Variants in CACNA1C observed in about 807,000 individuals in gnomAD.
CACNA1C encodes voltage-dependent L-type calcium channel subunit alpha-1C.
CACNA1C carries 30 observed loss-of-function variants against 229.0 expected under a neutral mutation model. That is an observed-to-expected ratio of 0.13 (90% confidence interval 0.10 to 0.18). The LOEUF (loss-of-function observed/expected upper bound fraction) is 0.18, where lower values mean the gene tolerates loss of function less well. CACNA1C is among the 10% of genes least tolerant of loss of function. The pLI is 1.00. For missense variants in CACNA1C, 1,658 were observed against 2,845.0 expected, an observed-to-expected ratio of 0.58 and a Z score of 9.49; for synonymous variants, 1,114 against 1,132.5, an observed-to-expected ratio of 0.98 and a Z score of 0.33.
chr12:2,684,940 T>C (rs2370605), intron 43 of CACNA1C, among the ~76,000 whole-genome samples: 235 of 152,030 alleles, frequency 1.5e-3, no homozygotes, highest in African/African-American at 4.6e-3. Context: ...CAGGGACCAG[T>C]GAGTCAGTGG....
rs112986121 is a variant in CACNA1C, at chr12:2,403,869, C to T, written c.478-45107C>T. On this transcript the variant is annotated intron_variant, in intron 3 of 46. Transcript: ENST00000399655. This position sits in a 1 kb window ranked among gnomAD's most constrained non-coding sequence, Gnocchi z 4.1. ...CGTGGACCACAGCTCTGCTCTGGGG[C>T]CCCAGGGACTTTCTCAGAGATGCCT... is the stretch of plus-strand genomic sequence containing the variant. 6.6e-6 allele frequency among the ~76,000 whole-genome samples: 1 copy of T among 152,096 alleles called. No homozygotes were observed. Among genetic ancestry groups the T allele is most frequent in the African/African-American group, 2.4e-5 (1 of 41,430 alleles).
At chr12:2,148,079 G>GATTAGC (rs1436821574) in intron 3 of CACNA1C, among the ~76,000 whole-genome samples, 3 of 151,230 alleles carry the variant, frequency 2.0e-5, no homozygotes, top group Non-Finnish European at 3.0e-5. Context: ...TTTTTGAAAG[G>GATTAGC]ATTAGCATTA....
intron 29 of CACNA1C, among the ~76,000 whole-genome samples, chr12:2,628,700 A>G (rs991682159): frequency 1.1e-4 from 16 of 152,068 alleles, no homozygotes; most frequent in African/African-American, 3.9e-4. Context: ...TGAGACCAGG[A>G]GTTCCAGACC....
intron 1 of CACNA1C, among the ~76,000 whole-genome samples, chr12:2,111,976 T>C (rs1363010043): frequency 2.0e-5 from 3 of 152,058 alleles, no homozygotes; most frequent in African/African-American, 7.2e-5. Flanking sequence ...GCCCCTTGTA[T>C]CTCGAGGCCT....
At chr12:2,592,703 ATTT>A (rs55789235) in intron 18 of CACNA1C, among the ~76,000 whole-genome samples, 741 of 131,560 alleles carry the variant, frequency 5.6e-3, no homozygotes, top group African/African-American at 5.2e-3. Context: ...CAGCACATGA[ATTT>A]TTTTTTTTTT....
intron 3 of CACNA1C, among the ~76,000 whole-genome samples, chr12:2,120,692 G>GTGTGTGTGTGTGTGTGTGTGTGTGTT (rs764879260): frequency 4.0e-5 from 6 of 150,656 alleles, no homozygotes; most frequent in South Asian, 2.1e-4. Flanking sequence ...GTGTGTGTGT[G>GTGTGTGTGTGTGTGTGTGTGTGTGTT]TGTGTTTAGT....
intron 29 of CACNA1C, among the ~76,000 whole-genome samples, chr12:2,627,385 A>G (rs12813847): frequency 0.86 from 130,128 of 151,990 alleles, 56,308 homozygotes; most frequent in East Asian, 1. Context: ...ATGATATTCA[A>G]TGGGATCAAC....
At chr12:2,367,608 G>A (rs1436424949) in intron 3 of CACNA1C, among the ~76,000 whole-genome samples, 2 of 152,182 alleles carry the variant, frequency 1.3e-5, no homozygotes, top group African/African-American at 4.8e-5. Flanking sequence ...AAGGCTAAAA[G>A]TTTAATTAAT....
chr12:2,284,171 G>A (rs537867495), intron 3 of CACNA1C, among the ~76,000 whole-genome samples: 42 of 152,306 alleles, frequency 2.8e-4, no homozygotes, highest in African/African-American at 1.0e-3. Context: ...ATGAGTGAGG[G>A]GCCGATGTCT....
intron 3 of CACNA1C, among the ~76,000 whole-genome samples, chr12:2,243,736 A>G (rs534979917): frequency 1.2e-3 from 190 of 152,314 alleles, no homozygotes; most frequent in Non-Finnish European, 2.3e-3. Context: ...TAGTCCAGTT[A>G]TAAATTGCTT....
chr12:2,194,378 C>T (rs1389588465), intron 3 of CACNA1C, among the ~76,000 whole-genome samples: 1 of 151,082 alleles, frequency 6.6e-6, no homozygotes, highest in Non-Finnish European at 1.5e-5. Flanking sequence ...TTCCCCTTCC[C>T]CTTCCTGCTC....
chr12:2,195,883 C>T (rs923948652), intron 3 of CACNA1C, among the ~76,000 whole-genome samples: 1 of 152,190 alleles, frequency 6.6e-6, no homozygotes, highest in Non-Finnish European at 1.5e-5. Flanking sequence ...TTTATGTCAG[C>T]ATCCCTGGAG....
intron 1 of CACNA1C, among the ~76,000 whole-genome samples, chr12:2,077,610 G>T (rs1418768128): frequency 1.3e-5 from 2 of 152,170 alleles, no homozygotes; most frequent in Non-Finnish European, 2.9e-5. Context: ...AATAGCTAAT[G>T]CCATGGCAGC....
intron 3 of CACNA1C, among the ~76,000 whole-genome samples, chr12:2,198,296 C>T (rs2097476463): frequency 6.6e-6 from 1 of 152,168 alleles, no homozygotes; most frequent in Non-Finnish European, 1.5e-5. Context: ...TGCCTCTCTC[C>T]CCGCCTCTGC....
intron 45 of CACNA1C, among the ~76,000 whole-genome samples, chr12:2,686,964 T>G (rs1315501175): frequency 6.6e-6 from 1 of 152,232 alleles, no homozygotes; most frequent in Non-Finnish European, 1.5e-5. Context: ...TTTTATAGCA[T>G]GGACCTATGT....
Position 2,541,339 on chromosome 12 carries a change from G to A in CACNA1C, c.1391-8604G>A, listed in dbSNP as rs533241488. On this transcript the variant is annotated intron_variant, in intron 9 of 46. Coordinates refer to ENST00000399655, the MANE Select transcript of CACNA1C (RefSeq NM_000719.7). Reference sequence around the variant, plus strand: ...TGAGGAATCCTTTTGCTTGTTAACCGTAAGTCTGATTAGTACTTTGAGAAA... The same window carrying A: ...TGAGGAATCCTTTTGCTTGTTAACCATAAGTCTGATTAGTACTTTGAGAAA... Among the ~76,000 whole-genome samples the A allele has an allele frequency of 5.3e-5, 8 of 152,298 alleles. No homozygotes were observed. The South Asian group carries it at 1.5e-3, about 28-fold the overall frequency.
intron 1 of CACNA1C, among the ~76,000 whole-genome samples, chr12:2,090,057 AACT>A (rs2069918527): frequency 1.3e-5 from 2 of 151,964 alleles, no homozygotes; most frequent in South Asian, 4.1e-4. Context: ...GAAAAATTGT[AACT>A]ACACACCCAT....
At chr12:2,359,998 G>A (rs537171394) in intron 3 of CACNA1C, among the ~76,000 whole-genome samples, 2 of 152,214 alleles carry the variant, frequency 1.3e-5, no homozygotes, top group African/African-American at 2.4e-5. Context: ...CTTCCCGATC[G>A]CTTGTCCTCA....
chr12:2,092,779 G>A (rs1486357189), intron 1 of CACNA1C, among the ~76,000 whole-genome samples: 1 of 152,132 alleles, frequency 6.6e-6, no homozygotes, highest in Admixed American at 6.5e-5. Flanking sequence ...AGAAAGCTGG[G>A]GATCAAAGAG....
Sources: allele counts gnomAD v4.1 joint callset (sites outside exome capture counted in the v4.1 genomes callset), GRCh38; gene constraint gnomAD v4.1.1; non-coding constraint Gnocchi (gnomAD v3.1); transcripts MANE v1.5; gene names NCBI Gene and HGNC (gene_info 2026-07-23, HGNC 2026-07-21).